The following CYREN variants were observed in gnomAD, a reference collection of about 807,000 sequenced individuals.
The protein encoded by CYREN is cell cycle regulator of NHEJ.
In CYREN, 7 loss-of-function variants were observed where a neutral mutation model predicts 9.7. The observed-to-expected ratio is 0.72, with a 90% CI of 0.41 to 1.36. The LOEUF is 1.36. CYREN is among the 40% of genes most tolerant of loss of function. The pLI, the probability that CYREN is intolerant of heterozygous loss-of-function variation, is 0.01. For missense variants in CYREN, 215 were observed against 198.1 expected (o/e 1.09, Z -0.51); for synonymous variants, 76 against 77.9 (o/e 0.98, Z 0.13).
intron 2 of CYREN, chr7:135,128,795 C>T: frequency 1.6e-6 from 2 of 1,218,574 alleles, no homozygotes; most frequent in Non-Finnish European, 2.4e-6. Context: ...GGATCTGATA[C>T]AGACCAAGAG....
chr7:135,131,309 G>A (rs1051998067), intron 2 of CYREN, among the ~76,000 whole-genome samples: 2 of 152,034 alleles, frequency 1.3e-5, no homozygotes, highest in East Asian at 1.9e-4. Flanking sequence ...ACCAGGGCCT[G>A]TTGCGGGGTG....
intron 2 of CYREN, 62 bp from the exon 3 acceptor site, chr7:135,167,869 G>C (rs1381955383): frequency 1.2e-6 from 2 of 1,610,410 alleles, no homozygotes; most frequent in Admixed American, 1.7e-5. Context: ...AGGGCAAAGA[G>C]AACAGGAGAA....
chr7:135,138,274 G>T (rs959800798), intron 2 of CYREN, among the ~76,000 whole-genome samples: 1 of 151,592 alleles, frequency 6.6e-6, no homozygotes, highest in Non-Finnish European at 1.5e-5. Flanking sequence ...ATAAATGAAG[G>T]TAAAATAAAA....
chr7:135,162,615 T>A (rs933561941), downstream of CYREN, among the ~76,000 whole-genome samples: 2 of 152,010 alleles, frequency 1.3e-5, no homozygotes, highest in Non-Finnish European at 2.9e-5. Flanking sequence ...TATAAAACCA[T>A]CAGATATCAT....
Position 135,168,847 on chromosome 7 carries a change from C to T in CYREN, c.76G>A (p.Val26Met). Residue 26 changes from valine to methionine, a missense_variant, in exon 2 of 4, where the codon GTG becomes ATG. Physicochemically the swap from Val to Met is conservative, Grantham distance 21. Transcript: ENST00000393114. ...CTCTTGGGGGCCTTCATTGGTGCCA[C>T]ATTCTTTGTAGCCACCTGGGCTGTC... ...WLTAQVATKN[V>M]APMKAPKRMR... The T allele has an allele frequency of 3.7e-6, 6 of 1,614,126 alleles. No homozygotes were observed. The highest frequency in any genetic ancestry group is 5.1e-6 in the Non-Finnish European group (6 of 1,179,986).
intron 2 of CYREN, among the ~76,000 whole-genome samples, chr7:135,106,557 T>C (rs1824749127): frequency 6.6e-6 from 1 of 152,266 alleles, no homozygotes; most frequent in Admixed American, 6.5e-5. Context: ...ATCCCAGGAA[T>C]AAAGCCTACT....
At chr7:135,170,778 C>G (rs1344058434), upstream of CYREN, 3 of 152,110 alleles carry the variant, frequency 2.0e-5, 1 homozygote, top group Middle Eastern at 9.6e-3. Context: ...CACTTCCGGT[C>G]TTGGGGAACT....
intron 2 of CYREN, 111 bp from the exon 3 acceptor site, chr7:135,167,918 G>A: frequency 2.6e-6 from 4 of 1,549,380 alleles, no homozygotes; most frequent in South Asian, 2.3e-5. Flanking sequence ...CACGCAGGAG[G>A]TACCAGCACC....
chr7:135,113,040 G>T (rs976116468), intron 2 of CYREN, among the ~76,000 whole-genome samples: 6 of 152,296 alleles, frequency 3.9e-5, no homozygotes, highest in African/African-American at 1.2e-4. Context: ...GCCTCCTAAA[G>T]TGCTGAGATT....
intron 2 of CYREN, among the ~76,000 whole-genome samples, chr7:135,128,291 C>CAA (rs61217008): frequency 5.3e-4 from 31 of 58,076 alleles, no homozygotes; most frequent in African/African-American, 2.0e-3. Context: ...GACTCCATCT[C>CAA]AAAAAAAAAA....
rs1014153123 is a variant in CYREN at position 135,128,397 on chromosome 7, G to C, written n.357-33815C>G. The C allele has an allele frequency of 7.1e-6, 4 of 566,368 alleles. No individual in the cohort carries two copies. In the African/African-American group the frequency reaches 7.7e-5, roughly 11 times the overall value. 35.1% of individuals were successfully genotyped at this position (566,368 alleles called of 1,614,324 possible). A position where few individuals can be genotyped will look rare whatever the true frequency, so the allele number is the denominator to read the frequency against. On this transcript the variant is annotated intron_variant and non_coding_transcript_variant, in intron 2 of 2. Coordinates refer to the CYREN transcript ENST00000459937. Reference sequence around the variant, plus strand: ...GGGAGTGTAGCAGTGAGGATGATCAGAGATCACTCTCATGGTCATCTTGGT... The same window carrying C: ...GGGAGTGTAGCAGTGAGGATGATCACAGATCACTCTCATGGTCATCTTGGT...
rs539456125 is a variant in CYREN at position 135,133,065 on chromosome 7, G to C, written n.356+35684C>G. 1.7e-4 allele frequency among the ~76,000 whole-genome samples: 17 copies of C among 101,234 alleles called. No individual in the cohort carries two copies. The East Asian group carries it at 3.3e-3, about 20-fold the overall frequency. 66.4% of individuals were successfully genotyped at this position (101,234 alleles called of 152,430 possible). A position where few individuals can be genotyped will look rare whatever the true frequency, so the allele number is the denominator to read the frequency against. On this transcript the variant is annotated intron_variant and non_coding_transcript_variant, in intron 2 of 2. Transcript: ENST00000459937. ...TACCAAAACACACACGCACGCATGC[G>C]TGCACACACACACACACACACACAC...
At chr7:135,129,291 T>C (rs1038117814) in intron 2 of CYREN, 29 of 1,500,992 alleles carry the variant, frequency 1.9e-5, no homozygotes, top group Non-Finnish European at 2.7e-5. Flanking sequence ...CTTGTGCAGG[T>C]TGACCTACCA....
chr7:135,139,972 G>A (rs1269237376), intron 2 of CYREN, among the ~76,000 whole-genome samples: 2 of 152,074 alleles, frequency 1.3e-5, no homozygotes, highest in African/African-American at 4.8e-5. Flanking sequence ...TAGCCTTGTA[G>A]TATAGTTTGA....
intron 2 of CYREN, among the ~76,000 whole-genome samples, chr7:135,156,499 A>C (rs1829797425): frequency 6.6e-6 from 1 of 151,828 alleles, no homozygotes; most frequent in East Asian, 1.9e-4. Flanking sequence ...CTACTGTTGA[A>C]GTTTTTGAGC....
rs543820866 is a variant in CYREN at position 135,109,166 on chromosome 7, T to G, written n.357-14584A>C. Among the ~76,000 whole-genome samples the G allele has an allele frequency of 1.2e-4, 18 of 152,350 alleles. 1 individual carries two copies. The highest frequency in any genetic ancestry group is 3.9e-4 in the Admixed American group (6 of 15,300). The stretch of plus-strand genomic sequence containing the variant: ...TTTTGATGATCTTTCCTATCCATAT[T>G]CTGAATTCTATTTCTGTCATTTCAA... On this transcript the variant is annotated intron_variant and non_coding_transcript_variant, in intron 2 of 2. Coordinates refer to the CYREN transcript ENST00000459937.
Position 135,128,926 on chromosome 7 carries a change from G to A in CYREN, n.357-34344C>T, listed in dbSNP as rs139250132. 6.7e-4 allele frequency: 1,025 copies of A among 1,532,756 alleles called. 8 individuals are homozygous for A. The African/African-American group carries it at 0.011, about 17-fold the overall frequency. The allele number at this position is 1,532,756 out of a possible 1,614,324, so 94.9% of individuals were successfully genotyped here. ...TGCTTTAATAGTAATTTGTTCCTGT[G>A]CAATATCTGTTTCTGTAAGAAGCTG... On this transcript the variant is annotated intron_variant and non_coding_transcript_variant, in intron 2 of 2. Transcript: ENST00000459937.
intron 2 of CYREN, chr7:135,148,210 A>C (rs1197584873): frequency 7.1e-6 from 3 of 423,236 alleles, no homozygotes; most frequent in African/African-American, 6.3e-5. Flanking sequence ...TCAAACAACC[A>C]ACCCTGATTT....
At chr7:135,137,287 A>T (rs1829368019) in intron 2 of CYREN, among the ~76,000 whole-genome samples, 1 of 152,112 alleles carries the variant, frequency 6.6e-6, no homozygotes, top group Non-Finnish European at 1.5e-5. Flanking sequence ...CCCAACAGGT[A>T]AGACACAACT....
Sources: allele counts gnomAD v4.1 joint callset (sites outside exome capture counted in the v4.1 genomes callset), GRCh38; gene constraint gnomAD v4.1.1; transcripts MANE v1.5; gene names NCBI Gene and HGNC (gene_info 2026-07-23, HGNC 2026-07-21).